The following FBXO36 variants were observed in gnomAD, a reference collection of about 807,000 sequenced individuals.
FBXO36 encodes the protein F-box protein 36.
FBXO36 carries 18 observed loss-of-function variants against 17.0 expected under a neutral mutation model. The observed-to-expected ratio is 1.06, with a 90% CI of 0.73 to 1.57. The LOEUF (loss-of-function observed/expected upper bound fraction) is 1.57, where lower values mean the gene tolerates loss of function less well. Ranked by LOEUF, FBXO36 falls within the 40% of genes most tolerant of loss-of-function variation. FBXO36 has a pLI of 0.00. For missense variants in FBXO36, 229 were observed against 221.9 expected (o/e 1.03, Z -0.20); for synonymous variants, 83 against 85.3 (o/e 0.97, Z 0.15).
chr2:229,942,542 T>G lies in FBXO36; in HGVS notation c.96+19933T>G, dbSNP rs146289387. On this transcript the variant is annotated intron_variant, in intron 1 of 3. Coordinates refer to ENST00000283946, the MANE Select transcript of FBXO36 (RefSeq NM_174899.5). ...GCTGCTGAGCCAAGCATCATAGACT[T>G]GAGGCCTAGCAGCTTCCAGGGGCTC... Among the ~76,000 whole-genome samples the G allele has an allele frequency of 7.6e-4, 115 of 152,238 alleles. 2 individuals carry two copies. The South Asian group carries it at 0.014, about 19-fold the overall frequency.
At chr2:229,970,576 G>A (rs955722728) in intron 1 of FBXO36, among the ~76,000 whole-genome samples, 75 of 152,208 alleles carry the variant, frequency 4.9e-4, no homozygotes, top group African/African-American at 1.8e-3. Flanking sequence ...TGTAATTGCA[G>A]CACCAGCTTA....
At chr2:229,937,710 C>A (rs998556062) in intron 1 of FBXO36, 1 of 152,084 alleles carries the variant, frequency 6.6e-6, no homozygotes, top group Admixed American at 6.6e-5. Context: ...AGGAGCCTTT[C>A]CTGACCTTCT....
chr2:229,932,249 G>A (rs994803297), intron 1 of FBXO36, among the ~76,000 whole-genome samples: 3 of 152,036 alleles, frequency 2.0e-5, no homozygotes, highest in African/African-American at 7.3e-5. Context: ...GGCCCGGCAC[G>A]GTGGCTTACG....
intron 2 of FBXO36, among the ~76,000 whole-genome samples, chr2:229,993,709 T>C (rs1317147885): frequency 6.6e-6 from 1 of 152,180 alleles, no homozygotes; most frequent in Non-Finnish European, 1.5e-5. Context: ...ACCTACACTT[T>C]CAAACCATCA....
At chr2:229,930,108 G>C (rs889378099) in intron 1 of FBXO36, among the ~76,000 whole-genome samples, 1 of 152,130 alleles carries the variant, frequency 6.6e-6, no homozygotes, top group African/African-American at 2.4e-5. Flanking sequence ...AGCACGTTGG[G>C]AGACCTAGGC....
At chr2:229,996,371 G>T (rs568065824) in intron 2 of FBXO36, among the ~76,000 whole-genome samples, 1 of 152,162 alleles carries the variant, frequency 6.6e-6, no homozygotes, top group Non-Finnish European at 1.5e-5. Flanking sequence ...GAAAAGCCAC[G>T]TGGACCAGCA....
intron 1 of FBXO36, among the ~76,000 whole-genome samples, chr2:229,964,755 G>A (rs184655367): frequency 2.0e-5 from 3 of 152,152 alleles, no homozygotes; most frequent in African/African-American, 7.2e-5. Flanking sequence ...TCCTGACCTC[G>A]TGATCCTTCC....
At chr2:229,951,543 C>A (rs1049079562) in intron 1 of FBXO36, among the ~76,000 whole-genome samples, 8 of 152,192 alleles carry the variant, frequency 5.3e-5, no homozygotes, top group Non-Finnish European at 7.4e-5. Context: ...CGCGCCCAGC[C>A]CAGGCTACTT....
chr2:229,937,660 C>G lies in FBXO36; in HGVS notation c.96+15051C>G, dbSNP rs546700944. 5.3e-4 allele frequency among the ~76,000 whole-genome samples: 81 copies of G among 152,248 alleles called. 1 individual carries two copies. The highest frequency in any genetic ancestry group is 3.4e-3 in the Middle Eastern group (1 of 294). On this transcript the variant is annotated intron_variant, in intron 1 of 3. Transcript: ENST00000283946. Reference sequence around the variant, plus strand: ...GCAGTGTTGGCTTTTTTTCCACTCACCCAATCTTCCTGATCTCAAGTCAAG... The same window carrying G: ...GCAGTGTTGGCTTTTTTTCCACTCAGCCAATCTTCCTGATCTCAAGTCAAG...
chr2:229,995,030 C>T (rs2077317690), intron 2 of FBXO36, among the ~76,000 whole-genome samples: 1 of 152,102 alleles, frequency 6.6e-6, no homozygotes, highest in South Asian at 2.1e-4. Context: ...AGGAGAATTG[C>T]TTGAACCCAG....
At chr2:229,958,899 A>G (rs1006737564) in intron 1 of FBXO36, among the ~76,000 whole-genome samples, 3 of 152,202 alleles carry the variant, frequency 2.0e-5, no homozygotes, top group African/African-American at 7.2e-5. Context: ...TCCTCCCAAA[A>G]CATTGTGACC....
chr2:229,929,230 G>T (rs943015747), intron 1 of FBXO36, among the ~76,000 whole-genome samples: 4 of 150,916 alleles, frequency 2.7e-5, no homozygotes, highest in African/African-American at 9.7e-5. Flanking sequence ...CACTGCACCC[G>T]GCCTCTTTTT....
chr2:229,997,657 C>G (rs941289090), intron 3 of FBXO36, among the ~76,000 whole-genome samples: 1 of 152,014 alleles, frequency 6.6e-6, no homozygotes, highest in African/African-American at 2.4e-5. Context: ...CTAGTAATAG[C>G]CTTTGCTGCA....
intron 1 of FBXO36, among the ~76,000 whole-genome samples, chr2:229,964,906 A>G (rs1389114439): frequency 6.6e-6 from 1 of 152,140 alleles, no homozygotes; most frequent in Non-Finnish European, 1.5e-5. Flanking sequence ...TGTTTTGGTT[A>G]TTTCCAGTTT....
chr2:229,992,959 G>C (rs531028239), intron 2 of FBXO36, among the ~76,000 whole-genome samples: 5 of 152,112 alleles, frequency 3.3e-5, no homozygotes, highest in African/African-American at 1.2e-4. Context: ...GCTAAGTGAG[G>C]ACTAAACTCT....
chr2:230,011,252 G>GTAA lies in FBXO36; in HGVS notation c.*370_*372dup, dbSNP rs146726208. 1,987 of 156,664 alleles carry GTAA rather than the reference G, an allele frequency of 0.013. 19 individuals carry two copies. The highest frequency in any genetic ancestry group is 0.019 in the Admixed American group (303 of 15,746). The allele number at this position is 156,664 out of a possible 1,614,324, so 9.7% of individuals were successfully genotyped here. Reference sequence around the variant, plus strand: ...CTATTTTATCTAGGCATTAGAAAGGGTAATGGGGCTTTTGAATTTTTTCCT... The same window carrying GTAA: ...CTATTTTATCTAGGCATTAGAAAGGGTAATAATGGGGCTTTTGAATTTTTTCCT... On this transcript the variant is annotated 3_prime_UTR_variant, in exon 4 of 4. Transcript: ENST00000283946.
intron 1 of FBXO36, among the ~76,000 whole-genome samples, chr2:229,928,832 C>T (rs1027744406): frequency 5.3e-5 from 8 of 152,084 alleles, no homozygotes; most frequent in Non-Finnish European, 1.0e-4. Flanking sequence ...GTGCAGTCAG[C>T]TCACTGCAGC....
At chr2:229,993,095 G>C (rs1328702243) in intron 2 of FBXO36, among the ~76,000 whole-genome samples, 2 of 152,038 alleles carry the variant, frequency 1.3e-5, no homozygotes, top group Non-Finnish European at 2.9e-5. Flanking sequence ...ACCTGACTCT[G>C]GCATAACATT....
intron 1 of FBXO36, among the ~76,000 whole-genome samples, chr2:229,935,528 A>G (rs927041600): frequency 6.6e-6 from 1 of 152,066 alleles, no homozygotes; most frequent in African/African-American, 2.4e-5. Flanking sequence ...AAGTAAATAA[A>G]TAAAAATAAT....
Sources: gnomAD v4.1 joint callset for allele counts (sites outside exome capture counted in the v4.1 genomes callset) on GRCh38, gnomAD v4.1.1 for gene constraint, MANE v1.5 for transcripts, NCBI Gene and HGNC (gene_info 2026-07-23, HGNC 2026-07-21) for gene names.